The following SHC3 variants were observed in gnomAD, a reference collection of about 807,000 sequenced individuals.
SHC3 encodes SHC-transforming protein 3.
SHC3 carries 15 observed loss-of-function variants against 60.4 expected under a neutral mutation model. That is an observed-to-expected ratio of 0.25 (90% CI 0.17 to 0.38). The LOEUF (loss-of-function observed/expected upper bound fraction) is 0.38. Among genes scored for constraint, SHC3 ranks in the 10% least tolerant of loss-of-function variants. SHC3 has a pLI of 1.00. For synonymous variants in SHC3, 294 were observed against 325.9 expected (o/e 0.90, Z 1.05); for missense variants, 677 against 786.1 (o/e 0.86, Z 1.66).
chr9:89,142,723 A>T (rs1705353771), intron 1 of SHC3, among the ~76,000 whole-genome samples: 1 of 151,062 alleles, frequency 6.6e-6, no homozygotes, highest in East Asian at 2.0e-4. Context: ...ACTCTGTCTT[A>T]GGAGAGATTC....
At chr9:89,047,998 C>G (rs1415120294) in intron 7 of SHC3, among the ~76,000 whole-genome samples, 2 of 152,172 alleles carry the variant, frequency 1.3e-5, no homozygotes, top group African/African-American at 4.8e-5. Flanking sequence ...GTAATCCCAG[C>G]ATTTTGGGAG....
chr9:89,140,804 TTC>T (rs1173047124), intron 1 of SHC3, among the ~76,000 whole-genome samples: 1 of 152,112 alleles, frequency 6.6e-6, no homozygotes, highest in African/African-American at 2.4e-5. Flanking sequence ...TTATCTCAGG[TTC>T]TCTTATGTCG....
rs1238191650 is a variant in SHC3, at chr9:89,006,583, T to G, written c.*6864A>C. On this transcript the variant is annotated 3_prime_UTR_variant, in exon 12 of 12. Transcript: ENST00000375835. ...CAAAACAACTTTCAGATAATATTCA[T>G]TTGTCAGTATGTATAATTTGCCATC... 6.6e-6 allele frequency: 1 copy of G among 152,256 alleles called. No individual in the cohort carries two copies. Among genetic ancestry groups the G allele is most frequent in the Non-Finnish European group, 1.5e-5 (1 of 68,036 alleles). 9.4% of individuals were successfully genotyped at this position (152,256 alleles called of 1,614,324 possible). A position where few individuals can be genotyped will look rare whatever the true frequency, so the allele number is the denominator to read the frequency against.
chr9:89,133,631 A>G (rs1826280481), intron 1 of SHC3, among the ~76,000 whole-genome samples: 1 of 152,166 alleles, frequency 6.6e-6, no homozygotes, highest in Admixed American at 6.6e-5. Context: ...TGAAGCTGGA[A>G]ACCATCATTC....
At chr9:89,108,519 CTCA>C (rs1312181980) in intron 2 of SHC3, among the ~76,000 whole-genome samples, 1 of 151,536 alleles carries the variant, frequency 6.6e-6, no homozygotes, top group Non-Finnish European at 1.5e-5. Flanking sequence ...GAAACACTGT[CTCA>C]AAAAAAATGC....
chr9:89,116,581 T>C (rs1367630517), intron 1 of SHC3, among the ~76,000 whole-genome samples: 2 of 152,204 alleles, frequency 1.3e-5, no homozygotes, highest in Non-Finnish European at 2.9e-5. Flanking sequence ...ATCACAGTTA[T>C]GTGAACACCA....
intron 7 of SHC3, among the ~76,000 whole-genome samples, chr9:89,050,424 T>G (rs1380983087): frequency 6.6e-6 from 1 of 152,196 alleles, no homozygotes; most frequent in African/African-American, 2.4e-5. Context: ...TATGTGGGAC[T>G]ACAGACATGC....
intron 1 of SHC3, among the ~76,000 whole-genome samples, chr9:89,126,286 A>G (rs1587741167): frequency 1.3e-5 from 2 of 152,186 alleles, no homozygotes; most frequent in Admixed American, 6.5e-5. Context: ...TGAGTGACTG[A>G]ACTTGGGTTC....
chr9:89,024,279 T>TTTTA (rs1826251660), intron 11 of SHC3, among the ~76,000 whole-genome samples: 1 of 152,170 alleles, frequency 6.6e-6, no homozygotes, highest in African/African-American at 2.4e-5. Context: ...ATTTGTTTAT[T>TTTTA]TTTATTTATT....
rs770677841 is a variant in SHC3, at chr9:89,038,042, A to C, written c.1607T>G (p.Met536Arg). Residue 536 changes from methionine (M) to arginine (R), a missense_variant, in exon 11 of 12, where the codon ATG becomes AGG. Physicochemically the swap from Met to Arg is moderately conservative, Grantham distance 91. Transcript: ENST00000375835. The stretch of plus-strand genomic sequence containing the variant: ...CAGGTGCTTGGCCTGGCCATTGTGC[A>C]TGCCCGTGAGGACAAAGGAGCCCGG... ...TNPGSFVLTG[M>R]HNGQAKHLLL... The C allele has an allele frequency of 1.4e-4, 230 of 1,613,352 alleles. No individual in the cohort carries two copies. The highest frequency in any genetic ancestry group is 1.8e-4 in the Non-Finnish European group (218 of 1,180,040).
intron 1 of SHC3, among the ~76,000 whole-genome samples, chr9:89,158,866 T>G (rs2118235775): frequency 6.6e-6 from 1 of 152,328 alleles, no homozygotes; most frequent in African/African-American, 2.4e-5. Context: ...ACCCTACCAC[T>G]CTGTAGTGTG....
At chr9:89,158,297 T>C (rs1392134505) in intron 1 of SHC3, among the ~76,000 whole-genome samples, 1 of 152,114 alleles carries the variant, frequency 6.6e-6, no homozygotes, top group Admixed American at 6.6e-5. Flanking sequence ...ATTTCAAAGT[T>C]TGGAGATTTT....
At chr9:89,028,858 A>G (rs1359790328) in intron 11 of SHC3, among the ~76,000 whole-genome samples, 3 of 147,618 alleles carry the variant, frequency 2.0e-5, no homozygotes, top group Middle Eastern at 7.1e-3. Context: ...AAATATATCT[A>G]TATATAGATT....
intron 2 of SHC3, among the ~76,000 whole-genome samples, chr9:89,079,316 A>C (rs756081305): frequency 6.6e-6 from 1 of 152,172 alleles, no homozygotes; most frequent in Non-Finnish European, 1.5e-5. Context: ...ATATAAACCC[A>C]TTATCTATAT....
intron 2 of SHC3, among the ~76,000 whole-genome samples, chr9:89,094,605 G>T (rs1468484471): frequency 6.6e-6 from 1 of 152,138 alleles, no homozygotes; most frequent in Non-Finnish European, 1.5e-5. Flanking sequence ...TAATATTGTA[G>T]GGATCATTAT....
chr9:89,102,924 C>T (rs1825803955), intron 2 of SHC3, among the ~76,000 whole-genome samples: 1 of 152,100 alleles, frequency 6.6e-6, no homozygotes, highest in South Asian at 2.1e-4. Flanking sequence ...AACATAGTGG[C>T]CTTGTAGCTC....
chr9:89,104,306 C>A (rs1825825979), intron 2 of SHC3, among the ~76,000 whole-genome samples: 1 of 152,184 alleles, frequency 6.6e-6, no homozygotes, highest in Non-Finnish European at 1.5e-5. Flanking sequence ...GCATGAGCAA[C>A]CCCTGAAAAC....
chr9:89,175,606 T>A (rs1034074934), intron 1 of SHC3, among the ~76,000 whole-genome samples: 13 of 152,348 alleles, frequency 8.5e-5, no homozygotes, highest in African/African-American at 3.1e-4. Flanking sequence ...ATACAGTATA[T>A]AAATTTTCCA....
At chr9:89,015,388 A>C (rs1826076766) in intron 11 of SHC3, among the ~76,000 whole-genome samples, 1 of 152,244 alleles carries the variant, frequency 6.6e-6, no homozygotes, top group South Asian at 2.1e-4. Context: ...AATACTCCTG[A>C]GGACCTTTTA....
Sources: gnomAD v4.1 joint callset for allele counts (sites outside exome capture counted in the v4.1 genomes callset) on GRCh38, gnomAD v4.1.1 for gene constraint, MANE v1.5 for transcripts, NCBI Gene and HGNC (gene_info 2026-07-23, HGNC 2026-07-21) for gene names.